CSMD2: variants seen among roughly 807,000 people sequenced by gnomAD.
CSMD2 encodes the protein CUB and sushi domain-containing protein 2.
In CSMD2, 130 loss-of-function variants were observed where a neutral mutation model predicts 398.5. That is an observed-to-expected ratio of 0.33 (90% CI 0.28 to 0.38). CSMD2 has a LOEUF of 0.38. Among genes scored for constraint, CSMD2 ranks in the 10% least tolerant of loss-of-function variants. The pLI is 1.00. For missense variants in CSMD2, 3,829 were observed against 4,764.9 expected (o/e 0.80, Z 5.78); for synonymous variants, 1,828 against 1,908.5 (o/e 0.96, Z 1.10).
chr1:33,867,363 C>A (rs950644750), intron 5 of CSMD2, among the ~76,000 whole-genome samples: 5 of 152,174 alleles, frequency 3.3e-5, no homozygotes, highest in Non-Finnish European at 7.3e-5. Context: ...GTAGGTGAAT[C>A]CTTCCCCAGT....
chr1:33,825,396 A>G (rs1211620446), intron 7 of CSMD2, among the ~76,000 whole-genome samples: 1 of 152,256 alleles, frequency 6.6e-6, no homozygotes, highest in African/African-American at 2.4e-5. Context: ...GAAGTGATTC[A>G]AAAGGAAAAT....
In CSMD2 at chr1:33,533,467, C is replaced by G. The variant is rs1356406039; in HGVS notation, c.9992-238G>C. ...TGACTCTGAGTTGGGGGAACTTAAG[C>G]CTGCAGCACTTCCTGAGGGGTAAAG... is the stretch of plus-strand genomic sequence containing the variant. On this transcript the variant is annotated intron_variant, in intron 63 of 70. Transcript: ENST00000373381. This position sits in a 1 kb window ranked among gnomAD's most constrained non-coding sequence, Gnocchi z 4.2. Among the ~76,000 whole-genome samples the G allele has an allele frequency of 6.6e-6, 1 of 152,142 alleles. No homozygotes were observed. The highest frequency in any genetic ancestry group is 2.4e-5 in the African/African-American group (1 of 41,414).
intron 6 of CSMD2, among the ~76,000 whole-genome samples, chr1:33,837,242 G>C (rs973961161): frequency 1.2e-4 from 18 of 152,142 alleles, no homozygotes; most frequent in African/African-American, 3.9e-4. Context: ...CAGGTTGTGA[G>C]AGTCAGAGAA....
intron 1 of CSMD2, among the ~76,000 whole-genome samples, chr1:34,156,779 A>T (rs965400274): frequency 6.6e-6 from 1 of 152,178 alleles, no homozygotes. Flanking sequence ...CATTATTTTT[A>T]GCATCATAAA....
chr1:34,081,565 C>G (rs375644605), intron 2 of CSMD2, among the ~76,000 whole-genome samples: 1 of 152,176 alleles, frequency 6.6e-6, no homozygotes, highest in Non-Finnish European at 1.5e-5. Flanking sequence ...ATCGCAGGCG[C>G]GCGCCGCCAC....
chr1:33,584,442 C>G (rs531317382), intron 46 of CSMD2, among the ~76,000 whole-genome samples: 1 of 152,032 alleles, frequency 6.6e-6, no homozygotes. Context: ...GAGGCCGGGG[C>G]GGGTGAATCA....
chr1:33,987,601 T>C (rs1646404167), intron 3 of CSMD2, among the ~76,000 whole-genome samples: 1 of 152,184 alleles, frequency 6.6e-6, no homozygotes, highest in African/African-American at 2.4e-5. Flanking sequence ...CTGCTGTCAA[T>C]TATAATTCCT....
At chr1:33,872,712 A>G (rs906836690) in intron 5 of CSMD2, among the ~76,000 whole-genome samples, 1 of 152,236 alleles carries the variant, frequency 6.6e-6, no homozygotes, top group Admixed American at 6.5e-5. Flanking sequence ...AGAAAGGAAC[A>G]GAGACAGTAC....
At chr1:33,720,684 CTATTT>C (rs934336852) in intron 19 of CSMD2, among the ~76,000 whole-genome samples, 44 of 152,262 alleles carry the variant, frequency 2.9e-4, no homozygotes, top group African/African-American at 9.1e-4. Context: ...GCTGTGCCAG[CTATTT>C]TATTTTATTT....
chr1:33,796,550 C>G (rs111571585), intron 10 of CSMD2, among the ~76,000 whole-genome samples: 6,981 of 152,238 alleles, frequency 0.046, 567 homozygotes, highest in African/African-American at 0.16. Flanking sequence ...ATCTCTTAAT[C>G]CTGTTATCTT....
At chr1:33,834,019 G>A (rs1196356245) in intron 6 of CSMD2, among the ~76,000 whole-genome samples, 6 of 147,418 alleles carry the variant, frequency 4.1e-5, no homozygotes, top group African/African-American at 1.5e-4. Flanking sequence ...CCAAATGGAA[G>A]AACATTCCAT....
chr1:33,565,690 C>A (rs1190295121), intron 53 of CSMD2, among the ~76,000 whole-genome samples: 1 of 151,968 alleles, frequency 6.6e-6, no homozygotes, highest in Non-Finnish European at 1.5e-5. Context: ...AACCTCCTCA[C>A]CAAAAACAAA....
chr1:34,037,664 G>A (rs1651317455), intron 2 of CSMD2, among the ~76,000 whole-genome samples: 1 of 152,254 alleles, frequency 6.6e-6, no homozygotes, highest in African/African-American at 2.4e-5. Flanking sequence ...CAGACACTCA[G>A]CCTAGGGACC....
chr1:33,653,405 C>T (rs1002479807), intron 27 of CSMD2, among the ~76,000 whole-genome samples: 5 of 152,318 alleles, frequency 3.3e-5, no homozygotes, highest in South Asian at 4.1e-4. Context: ...GCCTGCCAAG[C>T]GCAGCTGGTC....
chr1:33,659,112 A>G (rs1196825683), intron 26 of CSMD2, among the ~76,000 whole-genome samples: 1 of 152,252 alleles, frequency 6.6e-6, no homozygotes. Context: ...GCTGAGATAT[A>G]TTAAAAATTC....
rs1419301066 is a variant in CSMD2 at position 33,636,407 on chromosome 1, C to T, written c.4922G>A (p.Gly1641Glu). ...EGTSTLSCIL[G>E]PDGKPVWNNP... ...GTTCCACACGGGCTTCCCATCAGGCCCCAGGATGCAGCTCAGGGTCGAGGT... is the reference window on the plus strand; with the variant it reads ...GTTCCACACGGGCTTCCCATCAGGCTCCAGGATGCAGCTCAGGGTCGAGGT... Residue 1641 changes from glycine (G) to glutamate (E), a missense_variant, in exon 30 of 71, where the codon GGG becomes GAG. By Grantham distance (98) the Gly-to-Glu change is moderately conservative (BLOSUM62 -2). This residue lies in a region of CSMD2 where 2,001 missense variants were observed against 2,567.1 expected (regional missense o/e 0.78). Transcript: ENST00000373381. The surrounding 1 kb of genome is among the most constrained non-coding windows in gnomAD (Gnocchi z 4.8). The T allele has an allele frequency of 6.2e-7, 1 of 1,613,892 alleles. No homozygotes were observed.
chr1:33,657,888 T>A, intron 27 of CSMD2, 58 bp downstream of exon 27: 1 of 1,512,714 alleles, frequency 6.6e-7, no homozygotes, highest in Non-Finnish European at 9.1e-7. Flanking sequence ...CATGGAAGGT[T>A]CTGGAGCACA....
At chr1:33,764,292 C>T (rs1164905509) in intron 13 of CSMD2, among the ~76,000 whole-genome samples, 1 of 152,154 alleles carries the variant, frequency 6.6e-6, no homozygotes, top group Non-Finnish European at 1.5e-5. Context: ...ACTTCCCAGG[C>T]TGCCCCATGG....
At chr1:34,059,718 G>GTGAATGAATGAACGAA (rs1553300189) in intron 2 of CSMD2, among the ~76,000 whole-genome samples, 5,512 of 151,444 alleles carry the variant, frequency 0.036, 253 homozygotes, top group African/African-American at 0.1. Flanking sequence ...GAATGAATAC[G>GTGAATGAATGAACGAA]TGAATGAATG....
Sources: allele counts gnomAD v4.1 joint callset (sites outside exome capture counted in the v4.1 genomes callset), GRCh38; gene constraint gnomAD v4.1.1; regional missense constraint gnomAD v4.1.1; non-coding constraint Gnocchi (gnomAD v3.1); transcripts MANE v1.5; gene names NCBI Gene and HGNC (gene_info 2026-07-23, HGNC 2026-07-21).